The following RELN variants were observed in gnomAD, a reference collection of about 807,000 sequenced individuals.
The protein encoded by RELN is reelin.
In RELN, 108 loss-of-function variants were observed where a neutral mutation model predicts 427.6. The observed-to-expected ratio is 0.25, with a 90% CI of 0.22 to 0.30. The LOEUF (loss-of-function observed/expected upper bound fraction) is 0.30. Among genes scored for constraint, RELN ranks in the 10% least tolerant of loss-of-function variants. The pLI is 1.00. For missense variants in RELN, 3,715 were observed against 4,302.8 expected, an observed-to-expected ratio of 0.86 and a Z score of 3.82; for synonymous variants, 1,524 against 1,513.4, an observed-to-expected ratio of 1.01 and a Z score of -0.16.
chr7:103,575,507 AT>A (rs1830977444), intron 29 of RELN, 40 bp downstream of exon 29: 1 of 1,589,504 alleles, frequency 6.3e-7, no homozygotes, highest in South Asian at 1.1e-5. Flanking sequence ...AGAGATGACT[AT>A]TTTACAATAA....
At position 103,471,797 on chromosome 7, in the gene RELN, G is replaced by A. The variant is rs778591253; in HGVS notation, c.*1015C>T. ...AGACCAATGAACTTCAATGGCTTTT[G>A]GACATAATTTTTATTTAAGCATGGG... On this transcript the variant is annotated 3_prime_UTR_variant, in exon 65 of 65. Transcript: ENST00000428762. 5 of 152,430 alleles carry A rather than the reference G, an allele frequency of 3.3e-5. No individual in the cohort carries two copies. Among genetic ancestry groups the A allele is most frequent in the Middle Eastern group, 3.2e-3 (1 of 316 alleles). 9.4% of individuals were successfully genotyped at this position (152,430 alleles called of 1,614,324 possible).
chr7:103,628,331 G>C (rs954567447), intron 20 of RELN: 1 of 152,240 alleles, frequency 6.6e-6, no homozygotes, highest in African/African-American at 2.4e-5. Context: ...AGTGAGTTGA[G>C]ATCGCACCAT....
At position 103,875,293 on chromosome 7, in the gene RELN, C is replaced by T. The variant is rs561906433; in HGVS notation, c.338-41621G>A. Among the ~76,000 whole-genome samples the T allele has an allele frequency of 1.2e-3, 180 of 150,728 alleles. 1 individual carries two copies. Among genetic ancestry groups the T allele is most frequent in the African/African-American group, 4.2e-3 (175 of 41,226 alleles). The stretch of plus-strand genomic sequence containing the variant: ...TAGGCATTACCATTCAGGACATAGG[C>T]ATGGGCAAGGACTTCATGTCCAAAA... On this transcript the variant is annotated intron_variant, in intron 2 of 64. Coordinates refer to ENST00000428762, the MANE Select transcript of RELN (RefSeq NM_005045.4).
At chr7:103,780,932 G>C (rs2116229193) in intron 3 of RELN, among the ~76,000 whole-genome samples, 1 of 152,262 alleles carries the variant, frequency 6.6e-6, no homozygotes, top group Middle Eastern at 3.4e-3. Flanking sequence ...GACGTTCTCA[G>C]CCATGCTGCT....
intron 6 of RELN, among the ~76,000 whole-genome samples, chr7:103,742,732 G>A (rs969601509): frequency 7.2e-5 from 11 of 152,106 alleles, no homozygotes; most frequent in Admixed American, 2.6e-4. Flanking sequence ...AAAAAGAAAC[G>A]AACAAATCCT....
At chr7:103,516,938 A>G (rs1829580369) in intron 49 of RELN, among the ~76,000 whole-genome samples, 1 of 152,016 alleles carries the variant, frequency 6.6e-6, no homozygotes, top group African/African-American at 2.4e-5. Context: ...CTGGATTTAT[A>G]CAACTTGAAT....
At chr7:103,574,999 A>G (rs1017516665) in intron 29 of RELN, among the ~76,000 whole-genome samples, 2 of 152,156 alleles carry the variant, frequency 1.3e-5, no homozygotes, top group Admixed American at 6.6e-5. Flanking sequence ...TTTTAAATGT[A>G]AAAAATAACG....
At chr7:103,959,045 C>T (rs531752893) in intron 1 of RELN, among the ~76,000 whole-genome samples, 13 of 152,298 alleles carry the variant, frequency 8.5e-5, no homozygotes, top group South Asian at 8.3e-4. Flanking sequence ...AGGTTCAAGG[C>T]GATTCTCCTG....
intron 1 of RELN, among the ~76,000 whole-genome samples, chr7:103,937,922 G>A (rs140039015): frequency 6.6e-6 from 1 of 152,244 alleles, no homozygotes; most frequent in Non-Finnish European, 1.5e-5. Flanking sequence ...ATCTGACAAT[G>A]AGACACAGAT....
chr7:103,577,838 T>C (rs1461776822), intron 28 of RELN, among the ~76,000 whole-genome samples: 1 of 152,178 alleles, frequency 6.6e-6, no homozygotes. Context: ...TTGCTGCTTC[T>C]TTTTTATGTT....
chr7:103,609,339 A>T (rs1831894443), intron 22 of RELN, among the ~76,000 whole-genome samples: 1 of 152,052 alleles, frequency 6.6e-6, no homozygotes, highest in Admixed American at 6.5e-5. Context: ...TAAAATAATG[A>T]AAAAATAAAC....
At chr7:103,633,977 G>C (rs1228609884) in intron 19 of RELN, among the ~76,000 whole-genome samples, 2 of 152,014 alleles carry the variant, frequency 1.3e-5, no homozygotes, top group East Asian at 3.9e-4. Context: ...AATACAGCTG[G>C]TGCATTCTTA....
chr7:103,602,924 C>G (rs1361955653), intron 24 of RELN, among the ~76,000 whole-genome samples: 1 of 152,138 alleles, frequency 6.6e-6, no homozygotes, highest in Non-Finnish European at 1.5e-5. Context: ...CTCATCCCCT[C>G]GTTGCCCCCA....
intron 20 of RELN, among the ~76,000 whole-genome samples, chr7:103,629,122 G>C (rs1832395440): frequency 2.0e-5 from 3 of 152,120 alleles, no homozygotes; most frequent in African/African-American, 7.2e-5. Flanking sequence ...TTTCCAATCA[G>C]TAGAATGTGT....
At chr7:103,652,043 T>C (rs1017024345) in intron 14 of RELN, among the ~76,000 whole-genome samples, 20 of 152,070 alleles carry the variant, frequency 1.3e-4, no homozygotes, top group Admixed American at 6.6e-5. Flanking sequence ...GTTTGTGTTC[T>C]TGAGTTTGAT....
At chr7:103,851,963 C>T (rs1025551941) in intron 2 of RELN, among the ~76,000 whole-genome samples, 6 of 152,130 alleles carry the variant, frequency 3.9e-5, no homozygotes, top group Admixed American at 1.3e-4. Context: ...GATGGCACAG[C>T]CACAATATGG....
intron 2 of RELN, among the ~76,000 whole-genome samples, chr7:103,849,401 C>T (rs1252913190): frequency 7.9e-5 from 12 of 152,172 alleles, no homozygotes; most frequent in Non-Finnish European, 4.4e-5. Context: ...CCACTGCCAA[C>T]AGCTTCCTCT....
intron 34 of RELN, among the ~76,000 whole-genome samples, chr7:103,562,423 T>C (rs1830664231): frequency 6.6e-6 from 1 of 152,228 alleles, no homozygotes. Context: ...ATGGAAGCCC[T>C]TGATACTTCT....
chr7:103,907,841 T>C (rs956280131), intron 2 of RELN, among the ~76,000 whole-genome samples: 3 of 151,994 alleles, frequency 2.0e-5, no homozygotes, highest in Non-Finnish European at 2.9e-5. Flanking sequence ...AACATGCAGA[T>C]GTGTTACATA....
Sources: gnomAD v4.1 joint callset for allele counts (sites outside exome capture counted in the v4.1 genomes callset) on GRCh38, gnomAD v4.1.1 for gene constraint, MANE v1.5 for transcripts, NCBI Gene and HGNC (gene_info 2026-07-23, HGNC 2026-07-21) for gene names.